CCNT1: variants seen among roughly 807,000 people sequenced by gnomAD.
CCNT1 encodes the protein cyclin-T1.
CCNT1 carries 18 observed loss-of-function variants against 67.3 expected under a neutral mutation model. The ratio of observed to expected loss-of-function variants is 0.27; its 90% CI spans 0.18 to 0.40. The LOEUF is 0.40. CCNT1 is among the 10% of genes least tolerant of loss of function. The pLI is 1.00. For missense variants in CCNT1, 744 were observed against 884.9 expected (o/e 0.84, Z 2.02); for synonymous variants, 333 against 310.3 (o/e 1.07, Z -0.77).
At chr12:48,701,244 T>C (rs1400062976) in intron 3 of CCNT1, among the ~76,000 whole-genome samples, 171 bp from the exon 4 acceptor site, 5 of 86,886 alleles carry the variant, frequency 5.8e-5, no homozygotes, top group Non-Finnish European at 1.2e-4. Flanking sequence ...TTTTTTTTTT[T>C]AGACAGAGTC....
intron 3 of CCNT1, 97 bp from the exon 4 acceptor site, chr12:48,701,170 A>C: frequency 1.7e-6 from 1 of 590,958 alleles, no homozygotes; most frequent in East Asian, 3.0e-5. Flanking sequence ...AAAACAATAA[A>C]AGGCATGAGT....
chr12:48,714,304 A>G, intron 2 of CCNT1, 139 bp downstream of exon 2: 1 of 592,824 alleles, frequency 1.7e-6, no homozygotes, highest in Admixed American at 2.7e-5. Context: ...CAGAACAGCA[A>G]CACAGCACAT....
chr12:48,711,711 C>T (rs919123560), intron 2 of CCNT1, among the ~76,000 whole-genome samples: 7 of 152,028 alleles, frequency 4.6e-5, no homozygotes, highest in Admixed American at 4.6e-4. Context: ...CAATCAGAGC[C>T]AGAGCAAAGC....
chr12:48,712,776 C>A (rs112844147), intron 2 of CCNT1, among the ~76,000 whole-genome samples: 1 of 151,384 alleles, frequency 6.6e-6, no homozygotes, highest in Admixed American at 6.6e-5. Flanking sequence ...CTCGTCTCTA[C>A]TAAAAATACA....
chr12:48,709,701 A>G (rs966050446), intron 2 of CCNT1, among the ~76,000 whole-genome samples: 5 of 152,170 alleles, frequency 3.3e-5, no homozygotes, highest in Admixed American at 1.3e-4. Flanking sequence ...GCATAGCAAG[A>G]TATGATTTTT....
intron 1 of CCNT1, 77 bp downstream of exon 1, chr12:48,716,438 C>T (rs553854547): frequency 5.1e-6 from 7 of 1,375,144 alleles, no homozygotes; most frequent in African/African-American, 2.9e-5. Flanking sequence ...TTTCGTCCCC[C>T]CCACAGAGCC....
intron 1 of CCNT1, among the ~76,000 whole-genome samples, chr12:48,715,219 GAAAC>G (rs944991040): frequency 2.6e-5 from 4 of 152,280 alleles, no homozygotes; most frequent in African/African-American, 7.2e-5. Context: ...GGATGCTTAG[GAAAC>G]AAACCTGGAC....
chr12:48,695,139 T>C (rs1413509224), intron 8 of CCNT1, among the ~76,000 whole-genome samples: 2 of 152,194 alleles, frequency 1.3e-5, no homozygotes, highest in African/African-American at 4.8e-5. Flanking sequence ...AGCCTACTTC[T>C]AATCTCAGGC....
intron 4 of CCNT1, 30 bp from the exon 5 acceptor site, chr12:48,699,870 C>G: frequency 7.2e-7 from 1 of 1,396,778 alleles, no homozygotes; most frequent in Non-Finnish European, 1.0e-6. Flanking sequence ...GATTAAAAAA[C>G]TATTAAGAAG....
At chr12:48,698,090 A>C in intron 6 of CCNT1, 48 bp downstream of exon 6, 3 of 1,275,890 alleles carry the variant, frequency 2.4e-6, no homozygotes, top group Non-Finnish European at 3.3e-6. Context: ...AAACTCAAGT[A>C]AAGTCCTATA....
At chr12:48,702,803 C>T (rs375703868) in intron 3 of CCNT1, among the ~76,000 whole-genome samples, 2 of 151,304 alleles carry the variant, frequency 1.3e-5, no homozygotes, top group Non-Finnish European at 2.9e-5. Flanking sequence ...GGTGACAGAG[C>T]GAGACTCCAT....
At chr12:48,697,513 ACT>A (rs1442819135) in intron 6 of CCNT1, among the ~76,000 whole-genome samples, 1 of 126,262 alleles carries the variant, frequency 7.9e-6, no homozygotes, top group Non-Finnish European at 1.7e-5. Flanking sequence ...ACAGAGTGAG[ACT>A]CTGTCTTAAA....
rs866673208 is a variant in CCNT1 at position 48,694,331 on chromosome 12, T to C, written c.883A>G (p.Thr295Ala). 1 of 1,614,186 alleles carries C rather than the reference T, an allele frequency of 6.2e-7. No homozygotes were observed. The highest frequency in any genetic ancestry group is 1.3e-5 in the African/African-American group (1 of 75,062). Residue 295 changes from threonine to alanine, a missense_variant, in exon 9 of 9, where the codon ACC becomes GCC. Thr to Ala is a moderately conservative substitution (Grantham distance 58). This residue lies in a region of CCNT1 where 564 missense variants were observed against 574.2 expected (regional missense o/e 0.98). Transcript: ENST00000261900. ...NMISQSSSDT[T>A]IAGLMSMSTS... is the part of the protein sequence containing the mutation. ...GACATGCTCATTAAACCTGCAATGG[T>C]TGTGTCTGAAGAGCTCTGGGAAATC...
At chr12:48,696,998 A>G (rs1225463609) in intron 6 of CCNT1, among the ~76,000 whole-genome samples, 2 of 151,926 alleles carry the variant, frequency 1.3e-5, no homozygotes, top group Non-Finnish European at 2.9e-5. Flanking sequence ...TTGCCCTGCC[A>G]ATTTTCGTAT....
At chr12:48,707,883 C>T (rs559360689) in intron 2 of CCNT1, among the ~76,000 whole-genome samples, 3 of 151,862 alleles carry the variant, frequency 2.0e-5, no homozygotes, top group Admixed American at 6.6e-5. Flanking sequence ...CATGGTGAAA[C>T]CCCGTCTCTA....
Position 48,692,866 on chromosome 12 carries a change from A to G in CCNT1, c.*167T>C. On this transcript the variant is annotated 3_prime_UTR_variant, in exon 9 of 9. Transcript: ENST00000261900. ...AATAGTTAAATGCATGAGACAGCAG[A>G]TATATAGCCAAGGCCTTCTACCACC... 1.7e-6 allele frequency: 1 copy of G among 581,392 alleles called. No homozygotes were observed. The highest frequency in any genetic ancestry group is 2.8e-5 in the East Asian group (1 of 35,940). 36.0% of individuals were successfully genotyped at this position (581,392 alleles called of 1,614,324 possible).
intron 2 of CCNT1, among the ~76,000 whole-genome samples, chr12:48,711,896 C>T (rs1426026983): frequency 6.6e-6 from 1 of 152,128 alleles, no homozygotes; most frequent in Admixed American, 6.5e-5. Context: ...GGGTTCATGC[C>T]ATTCTCCTGT....
chr12:48,708,012 G>A (rs1482719086), intron 2 of CCNT1, among the ~76,000 whole-genome samples: 8 of 152,090 alleles, frequency 5.3e-5, no homozygotes, highest in Admixed American at 3.3e-4. Context: ...GGGTTGAAGT[G>A]AGCCAAGATC....
In CCNT1 at chr12:48,695,834, A is replaced by G. The variant is rs1940160807; in HGVS notation, c.707-5T>C. On this transcript the variant is annotated splice_region_variant and splice_polypyrimidine_tract_variant and intron_variant, in intron 7 of 8. Transcript: ENST00000261900. ...GTAGAAACTCATGTGTCAGTTCTACAAGTAAAACAGAACATTCAAGAAAGA... is the reference window on the plus strand; with the variant it reads ...GTAGAAACTCATGTGTCAGTTCTACGAGTAAAACAGAACATTCAAGAAAGA... 2 of 1,605,884 alleles carry G rather than the reference A, an allele frequency of 1.2e-6. No individual in the cohort carries two copies. The highest frequency in any genetic ancestry group is 1.7e-6 in the Non-Finnish European group (2 of 1,172,718).
Sources: allele counts gnomAD v4.1 joint callset (sites outside exome capture counted in the v4.1 genomes callset), GRCh38; gene constraint gnomAD v4.1.1; regional missense constraint gnomAD v4.1.1; transcripts MANE v1.5; gene names NCBI Gene and HGNC (gene_info 2026-07-23, HGNC 2026-07-21).